PLEKHA6: variants seen among roughly 807,000 people sequenced by gnomAD.
PLEKHA6 encodes pleckstrin homology domain-containing family A member 6.
Under a neutral mutation model 116.7 loss-of-function variants are expected in PLEKHA6, and 60 were observed. The ratio of observed to expected loss-of-function variants is 0.51; its 90% CI spans 0.42 to 0.64. PLEKHA6 has a LOEUF of 0.64. PLEKHA6 is among the 30% of genes least tolerant of loss of function. The pLI is 0.00. For missense variants in PLEKHA6, 1,338 were observed against 1,422.7 expected, an observed-to-expected ratio of 0.94 and a Z score of 0.96; for synonymous variants, 489 against 556.1, an observed-to-expected ratio of 0.88 and a Z score of 1.70.
chr1:204,253,106 T>A (rs978618501), intron 9 of PLEKHA6, among the ~76,000 whole-genome samples: 5 of 152,172 alleles, frequency 3.3e-5, no homozygotes, highest in African/African-American at 9.7e-5. Flanking sequence ...TGGTAAGGAG[T>A]GCTCATTGAT....
chr1:204,349,880 T>G (rs1231806053), intron 1 of PLEKHA6, among the ~76,000 whole-genome samples: 1 of 152,202 alleles, frequency 6.6e-6, no homozygotes, highest in African/African-American at 2.4e-5. Flanking sequence ...GAAAGCAAGT[T>G]GAAGGGTGAA....
At chr1:204,320,027 G>A (rs1672001004) in intron 1 of PLEKHA6, among the ~76,000 whole-genome samples, 1 of 152,166 alleles carries the variant, frequency 6.6e-6, no homozygotes, top group Non-Finnish European at 1.5e-5. Context: ...TATCACTAGA[G>A]AGCACTAGTA....
chr1:204,325,153 T>C (rs1052737494), intron 1 of PLEKHA6, among the ~76,000 whole-genome samples: 6 of 152,148 alleles, frequency 3.9e-5, no homozygotes, highest in Admixed American at 2.6e-4. Context: ...ATTTTGATTG[T>C]CTTAGAGCTC....
At chr1:204,301,316 C>A (rs1276505007) in intron 1 of PLEKHA6, 1 of 952,734 alleles carries the variant, frequency 1.0e-6, no homozygotes, top group Non-Finnish European at 1.2e-6. Flanking sequence ...TGGGTTCCTG[C>A]AGCCTGGAGC....
chr1:204,334,875 G>A (rs1020557734), intron 1 of PLEKHA6, among the ~76,000 whole-genome samples: 3 of 151,996 alleles, frequency 2.0e-5, no homozygotes, highest in East Asian at 3.9e-4. Flanking sequence ...TCCAGCCTGG[G>A]TGACAGAACA....
intron 1 of PLEKHA6, among the ~76,000 whole-genome samples, chr1:204,322,604 C>A (rs920152828): frequency 6.6e-6 from 1 of 152,158 alleles, no homozygotes; most frequent in Admixed American, 6.5e-5. Context: ...TAGCTTCAAC[C>A]GCTGTCACTA....
At chr1:204,282,449 T>C (rs372369434) in intron 1 of PLEKHA6, among the ~76,000 whole-genome samples, 20 of 151,744 alleles carry the variant, frequency 1.3e-4, no homozygotes, top group African/African-American at 4.8e-4. Flanking sequence ...GAAAAGCTGC[T>C]CCCCCAAGTC....
At chr1:204,249,761 C>T (rs891280900) in intron 10 of PLEKHA6, among the ~76,000 whole-genome samples, 2 of 152,170 alleles carry the variant, frequency 1.3e-5, no homozygotes, top group African/African-American at 4.8e-5. Flanking sequence ...GAGGTCTAGT[C>T]CTGTCAGGAA....
intron 1 of PLEKHA6, among the ~76,000 whole-genome samples, chr1:204,348,186 AG>A (rs1673139541): frequency 6.6e-6 from 1 of 152,198 alleles, no homozygotes; most frequent in South Asian, 2.1e-4. Flanking sequence ...TGCTGCTTAA[AG>A]CAGTGGGTGC....
intron 1 of PLEKHA6, chr1:204,308,910 C>T (rs1014304060): frequency 8.9e-5 from 14 of 157,752 alleles, no homozygotes; most frequent in Non-Finnish European, 1.8e-4. Context: ...AGGATGGTCT[C>T]GATCTCCTGA....
intron 1 of PLEKHA6, among the ~76,000 whole-genome samples, chr1:204,318,419 G>C (rs1671939256): frequency 6.6e-6 from 1 of 152,240 alleles, no homozygotes; most frequent in African/African-American, 2.4e-5. Context: ...GCAGGGCCTG[G>C]ATTTGAACTC....
chr1:204,249,510 T>C (rs192393798), intron 10 of PLEKHA6, among the ~76,000 whole-genome samples: 149 of 152,186 alleles, frequency 9.8e-4, no homozygotes, highest in African/African-American at 3.4e-3. Flanking sequence ...GAGAGGCAAG[T>C]GTTAAACTCT....
chr1:204,330,732 G>C (rs4382788), intron 1 of PLEKHA6, among the ~76,000 whole-genome samples: 33,158 of 150,658 alleles, frequency 0.22, 3,899 homozygotes, highest in South Asian at 0.29. Context: ...CTACCGAAGA[G>C]GAAGCAGCCC....
At chr1:204,250,509 TG>T (rs1664397180) in intron 10 of PLEKHA6, 36 bp downstream of exon 10, 2 of 1,468,602 alleles carry the variant, frequency 1.4e-6, no homozygotes. Flanking sequence ...AGCAGGAGGC[TG>T]GAGTGGAGGG....
chr1:204,321,568 C>T (rs1163471466), intron 1 of PLEKHA6, among the ~76,000 whole-genome samples: 2 of 151,704 alleles, frequency 1.3e-5, no homozygotes, highest in African/African-American at 4.8e-5. Context: ...AACCCTTCCA[C>T]CCTACCCTTC....
intron 1 of PLEKHA6, among the ~76,000 whole-genome samples, chr1:204,334,696 C>T (rs1273629998): frequency 6.6e-6 from 1 of 152,012 alleles, no homozygotes; most frequent in African/African-American, 2.4e-5. Context: ...GTCAGGAATT[C>T]GAAATCAGTC....
At chr1:204,291,913 C>T (rs1406375546) in intron 1 of PLEKHA6, among the ~76,000 whole-genome samples, 5 of 151,896 alleles carry the variant, frequency 3.3e-5, no homozygotes, top group African/African-American at 1.2e-4. Context: ...TCATATACCT[C>T]AATAAATCTA....
At chr1:204,297,902 G>A (rs945324391) in intron 1 of PLEKHA6, 10 of 984,922 alleles carry the variant, frequency 1.0e-5, no homozygotes, top group African/African-American at 5.2e-5. Context: ...GAGGGAAGAC[G>A]GCATCTTGAT....
rs772019474 is a variant in PLEKHA6, at chr1:204,241,527, G to T, written c.2303-46C>A. 2.1e-6 allele frequency: 3 copies of T among 1,441,898 alleles called. No homozygotes were observed. The African/African-American group carries it at 4.3e-5, about 20-fold the overall frequency. The allele number at this position is 1,441,898 out of a possible 1,614,324, so 89.3% of individuals were successfully genotyped here. On this transcript the variant is annotated intron_variant, in intron 16 of 22. Coordinates refer to ENST00000272203, the MANE Select transcript of PLEKHA6 (RefSeq NM_014935.5). Reference sequence around the variant, plus strand: ...CAGTGGGCCTCATGGAGAGCAGGAAGGCAGGAAGCCTCCTTCTCAGAGACA... The same window carrying T: ...CAGTGGGCCTCATGGAGAGCAGGAATGCAGGAAGCCTCCTTCTCAGAGACA...
Sources: allele counts gnomAD v4.1 joint callset (sites outside exome capture counted in the v4.1 genomes callset), GRCh38; gene constraint gnomAD v4.1.1; transcripts MANE v1.5; gene names NCBI Gene and HGNC (gene_info 2026-07-23, HGNC 2026-07-21).